Variants in DZIP1 observed in about 807,000 individuals in gnomAD.
DZIP1 encodes cilium assembly protein DZIP1.
DZIP1 carries 97 observed loss-of-function variants against 107.6 expected under a neutral mutation model. The observed-to-expected ratio is 0.90, with a 90% CI of 0.77 to 1.07. The LOEUF is 1.07. DZIP1 is among the 50% of genes least tolerant of loss of function. The pLI is 0.00. For synonymous variants in DZIP1, 390 were observed against 386.4 expected, an observed-to-expected ratio of 1.01 and a Z score of -0.11; for missense variants, 1,035 against 1,063.6, an observed-to-expected ratio of 0.97 and a Z score of 0.37.
chr13:95,623,874 G>A (rs896983756), intron 8 of DZIP1, among the ~76,000 whole-genome samples: 2 of 152,146 alleles, frequency 1.3e-5, no homozygotes, highest in African/African-American at 2.4e-5. Flanking sequence ...AGGAGGCAGA[G>A]GTTGCAGTGA....
At chr13:95,596,384 C>G (rs2044458813) in intron 15 of DZIP1, among the ~76,000 whole-genome samples, 1 of 152,096 alleles carries the variant, frequency 6.6e-6, no homozygotes, top group Non-Finnish European at 1.5e-5. Flanking sequence ...TTATGGTAAA[C>G]AAATAATTGT....
chr13:95,637,909 ATACATATG>A (rs1177916258), intron 5 of DZIP1, among the ~76,000 whole-genome samples: 1 of 152,184 alleles, frequency 6.6e-6, no homozygotes, highest in Non-Finnish European at 1.5e-5. Flanking sequence ...TGTCTTATGA[ATACATATG>A]TTCATAAAAA....
chr13:95,637,996 AG>A (rs1878026975), intron 5 of DZIP1, among the ~76,000 whole-genome samples: 1 of 152,148 alleles, frequency 6.6e-6, no homozygotes, highest in Non-Finnish European at 1.5e-5. Context: ...GAATCGAGGA[AG>A]GGAAAATTAT....
chr13:95,629,595 C>T (rs1184625757), intron 7 of DZIP1, among the ~76,000 whole-genome samples: 1 of 152,052 alleles, frequency 6.6e-6, no homozygotes. Flanking sequence ...CTGGTCTACA[C>T]CTGCCAGGAA....
At position 95,642,111 on chromosome 13, in the gene DZIP1, C is replaced by G. The variant is rs1430962977; in HGVS notation, c.-82G>C. ...ACAGCCCTCAGGAGCGGGAGAAGGC[C>G]GGGTTCCTCGCTTCCGCGGCGGCGG... On this transcript the variant is annotated 5_prime_UTR_variant, in exon 4 of 23. Transcript: ENST00000376829. 1.4e-6 allele frequency: 2 copies of G among 1,425,036 alleles called. No homozygotes were observed. Among genetic ancestry groups the G allele is most frequent in the Admixed American group, 3.4e-5 (1 of 29,024 alleles). The allele number at this position is 1,425,036 out of a possible 1,614,324, so 88.3% of individuals were successfully genotyped here. A position where few individuals can be genotyped will look rare whatever the true frequency, so the allele number is the denominator to read the frequency against.
At chr13:95,619,036 C>T (rs1485443177) in intron 10 of DZIP1, among the ~76,000 whole-genome samples, 1 of 152,000 alleles carries the variant, frequency 6.6e-6, no homozygotes, top group Non-Finnish European at 1.5e-5. Flanking sequence ...TTAATGTAAA[C>T]AGTTCTTGCC....
chr13:95,620,265 C>A (rs1875663239), intron 9 of DZIP1, among the ~76,000 whole-genome samples: 1 of 152,178 alleles, frequency 6.6e-6, no homozygotes, highest in Non-Finnish European at 1.5e-5. Flanking sequence ...TTAAGACGTG[C>A]TTGGTTCCCC....
intron 14 of DZIP1, among the ~76,000 whole-genome samples, chr13:95,601,015 G>C (rs1384117020): frequency 6.6e-6 from 1 of 152,164 alleles, no homozygotes; most frequent in Non-Finnish European, 1.5e-5. Flanking sequence ...TTATTTACTT[G>C]TGATCAAAAT....
chr13:95,591,034 T>G (rs1046223942), intron 16 of DZIP1, among the ~76,000 whole-genome samples: 53 of 150,816 alleles, frequency 3.5e-4, no homozygotes, highest in Non-Finnish European at 6.4e-4. Flanking sequence ...TTTTTTTTTT[T>G]TTTTTTTTTC....
chr13:95,628,403 C>T (rs547539789), intron 7 of DZIP1, among the ~76,000 whole-genome samples: 4 of 152,012 alleles, frequency 2.6e-5, no homozygotes, highest in South Asian at 4.2e-4. Flanking sequence ...TAAAAAGATT[C>T]GTGGTTACCA....
intron 17 of DZIP1, 113 bp downstream of exon 17, chr13:95,590,166 T>G: frequency 1.7e-6 from 2 of 1,165,200 alleles, no homozygotes; most frequent in Non-Finnish European, 2.4e-6. Context: ...GCGAAGTTTG[T>G]TAACCATTTA....
At position 95,633,367 on chromosome 13, in the gene DZIP1, G is replaced by A. The variant is rs774694824; in HGVS notation, c.598-46C>T. 5.1e-5 allele frequency: 78 copies of A among 1,527,292 alleles called. 3 individuals carry two copies. In the South Asian group the frequency reaches 7.0e-4, roughly 14 times the overall value. The allele number at this position is 1,527,292 out of a possible 1,614,324, so 94.6% of individuals were successfully genotyped here. ...AATCCAAGTGTCTGTAACGACTGTC[G>A]TCCCACTTAATTGCAATTAAAATTC... On this transcript the variant is annotated intron_variant, in intron 5 of 22. Coordinates refer to ENST00000376829, the MANE Select transcript of DZIP1 (RefSeq NM_198968.4).
At chr13:95,585,039 C>A in intron 21 of DZIP1, 129 bp from the exon 22 acceptor site, 2 of 620,796 alleles carry the variant, frequency 3.2e-6, no homozygotes, top group Non-Finnish European at 5.2e-6. Context: ...ATTAATACTT[C>A]CAAATCTAGT....
chr13:95,606,597 C>T (rs1434380481), intron 13 of DZIP1, among the ~76,000 whole-genome samples: 1 of 152,168 alleles, frequency 6.6e-6, no homozygotes, highest in East Asian at 1.9e-4. Flanking sequence ...GGGCAAATAA[C>T]ATTCTGTGTT....
chr13:95,614,112 T>G (rs1874737586), intron 10 of DZIP1, among the ~76,000 whole-genome samples: 1 of 110,884 alleles, frequency 9.0e-6, no homozygotes, highest in Non-Finnish European at 1.7e-5. Flanking sequence ...GGTGACAGAG[T>G]AAGACCCTGT....
chr13:95,587,774 T>C, intron 19 of DZIP1, 45 bp from the exon 20 acceptor site: 1 of 1,566,564 alleles, frequency 6.4e-7, no homozygotes, highest in East Asian at 2.3e-5. Flanking sequence ...TTCGTAACGC[T>C]TTAGGATTTA....
intron 12 of DZIP1, 113 bp downstream of exon 12, chr13:95,611,332 C>G (rs946503927): frequency 1.0e-5 from 8 of 772,816 alleles, no homozygotes; most frequent in Admixed American, 2.3e-5. Context: ...ATCAATACAA[C>G]AAGAAGAATG....
chr13:95,605,880 C>T, intron 14 of DZIP1, 123 bp downstream of exon 14: 1 of 964,434 alleles, frequency 1.0e-6, no homozygotes, highest in South Asian at 1.6e-5. Context: ...AACTGTTTTG[C>T]AATCACTAAA....
Position 95,607,751 on chromosome 13 carries a change from C to T in DZIP1, c.1421-1692G>A, listed in dbSNP as rs534298200. Among the ~76,000 whole-genome samples the T allele has an allele frequency of 3.3e-5, 5 of 152,166 alleles. 1 individual carries two copies. The highest frequency in any genetic ancestry group is 1.2e-4 in the African/African-American group (5 of 41,518). Reference sequence around the variant, plus strand: ...GCTTACAGAATCAAAAGATCTGATGCTATTAAAATTGATCACAATTTGGTC... The same window carrying T: ...GCTTACAGAATCAAAAGATCTGATGTTATTAAAATTGATCACAATTTGGTC... On this transcript the variant is annotated intron_variant, in intron 13 of 22. Coordinates refer to ENST00000376829, the MANE Select transcript of DZIP1 (RefSeq NM_198968.4).
Sources: gnomAD v4.1 joint callset for allele counts (sites outside exome capture counted in the v4.1 genomes callset) on GRCh38, gnomAD v4.1.1 for gene constraint, MANE v1.5 for transcripts, NCBI Gene and HGNC (gene_info 2026-07-23, HGNC 2026-07-21) for gene names.